FBXO28: variants seen among roughly 807,000 people sequenced by gnomAD.
FBXO28 encodes F-box only protein 28.
FBXO28 carries 8 observed loss-of-function variants against 38.1 expected under a neutral mutation model. The ratio of observed to expected loss-of-function variants is 0.21; its 90% CI spans 0.12 to 0.38. The LOEUF is 0.38. Ranked by LOEUF, FBXO28 falls within the 10% of genes least tolerant of loss-of-function variation. The probability of loss-of-function intolerance (pLI) is 1.00; values close to 1 mark genes in which losing one functional copy is unlikely to be tolerated. For synonymous variants in FBXO28, 168 were observed against 173.8 expected, an observed-to-expected ratio of 0.97 and a Z score of 0.26; for missense variants, 345 against 460.6, an observed-to-expected ratio of 0.75 and a Z score of 2.30.
chr1:224,150,800 C>G (rs1218092547), intron 3 of FBXO28, among the ~76,000 whole-genome samples: 3 of 152,132 alleles, frequency 2.0e-5, no homozygotes, highest in Non-Finnish European at 4.4e-5. Flanking sequence ...CCTGCCTTTC[C>G]TGATAGAAAC....
chr1:224,129,341 A>T (rs7542474), intron 1 of FBXO28, among the ~76,000 whole-genome samples: 1 of 151,756 alleles, frequency 6.6e-6, no homozygotes, highest in African/African-American at 2.4e-5. Flanking sequence ...ACTCCATCTC[A>T]AAAAGATATT....
At chr1:224,153,003 A>T in intron 3 of FBXO28, 139 bp from the exon 4 acceptor site, 1 of 526,142 alleles carries the variant, frequency 1.9e-6, no homozygotes, top group Non-Finnish European at 3.3e-6. Flanking sequence ...AATATTCATC[A>T]GTGGCCAGTA....
intron 4 of FBXO28, among the ~76,000 whole-genome samples, chr1:224,157,113 C>T (rs1030390356): frequency 6.6e-6 from 1 of 152,124 alleles, no homozygotes; most frequent in African/African-American, 2.4e-5. Flanking sequence ...AAATGCCCTT[C>T]TCCGTTTCCT....
chr1:224,151,253 T>C (rs1558196801), intron 3 of FBXO28, among the ~76,000 whole-genome samples: 3 of 152,186 alleles, frequency 2.0e-5, no homozygotes, highest in African/African-American at 4.8e-5. Context: ...ACATGTCCCA[T>C]GTGATTCAAA....
intron 2 of FBXO28, among the ~76,000 whole-genome samples, chr1:224,133,468 A>C (rs912413269): frequency 6.6e-6 from 1 of 152,090 alleles, no homozygotes; most frequent in Non-Finnish European, 1.5e-5. Context: ...TCATTTATCT[A>C]ATTTCTTTGG....
chr1:224,142,708 G>A (rs531369273), intron 3 of FBXO28, among the ~76,000 whole-genome samples: 2 of 152,166 alleles, frequency 1.3e-5, no homozygotes, highest in South Asian at 4.1e-4. Context: ...CTAGCACTTC[G>A]GGAGGCCAAG....
At chr1:224,129,786 G>A (rs188122590) in intron 1 of FBXO28, among the ~76,000 whole-genome samples, 13 of 151,954 alleles carry the variant, frequency 8.6e-5, no homozygotes, top group Admixed American at 6.6e-4. Context: ...TCAGGAGATC[G>A]AGACCATCCT....
chr1:224,153,162 T>C lies in FBXO28; in HGVS notation c.537T>C (p.Arg179=). 5.0e-6 allele frequency: 8 copies of C among 1,601,432 alleles called. No individual in the cohort carries two copies. Among genetic ancestry groups the C allele is most frequent in the Non-Finnish European group, 6.8e-6 (8 of 1,176,852 alleles). ...TTTAGGTGATTGATGAGATTTATCG[T>C]GTGTTGAGATATGTCAATTCTACCA... ...IPGKVIDEIY[R]VLRYVNSTRA... The change falls in exon 4 of 5, where the codon CGT becomes CGC. Residue 179 remains arginine (R), a synonymous_variant. Coordinates refer to ENST00000366862, the MANE Select transcript of FBXO28 (RefSeq NM_015176.4).
Position 224,157,989 on chromosome 1 carries a change from GA to G in FBXO28, c.*244del. 7.9e-7 allele frequency: 1 copy of G among 1,259,886 alleles called. No homozygotes were observed. Among genetic ancestry groups the G allele is most frequent in the Non-Finnish European group, 1.0e-6 (1 of 1,004,058 alleles). 78.0% of individuals were successfully genotyped at this position (1,259,886 alleles called of 1,614,324 possible). On this transcript the variant is annotated 3_prime_UTR_variant, in exon 5 of 5. Transcript: ENST00000366862. ...CAGACCTGTTCTATCATGTTTTGAG[GA>G]GTTAACTTTTTTCTGTGCAGATAAT...
At chr1:224,150,330 T>G (rs971006026) in intron 3 of FBXO28, among the ~76,000 whole-genome samples, 1 of 152,150 alleles carries the variant, frequency 6.6e-6, no homozygotes, top group African/African-American at 2.4e-5. Context: ...GAAAAAATTA[T>G]GGAGTACTGT....
intron 3 of FBXO28, among the ~76,000 whole-genome samples, chr1:224,149,121 A>T (rs1657580624): frequency 6.6e-6 from 1 of 152,178 alleles, no homozygotes. Context: ...TAATATCTAG[A>T]GGTATATTAA....
chr1:224,147,621 A>T (rs1350859014), intron 3 of FBXO28, among the ~76,000 whole-genome samples: 9 of 220 alleles, frequency 0.041, no homozygotes, highest in Non-Finnish European at 0.024. Flanking sequence ...ACACATTTTG[A>T]CAATGTGGTC....
rs527782556 is a variant in FBXO28, at chr1:224,141,077, G to T, written c.516+6865G>T. 2.0e-5 allele frequency among the ~76,000 whole-genome samples: 3 copies of T among 149,980 alleles called. No individual in the cohort carries two copies. The East Asian group carries it at 5.9e-4, about 30-fold the overall frequency. On this transcript the variant is annotated intron_variant, in intron 3 of 4. Coordinates refer to ENST00000366862, the MANE Select transcript of FBXO28 (RefSeq NM_015176.4). Reference sequence around the variant, plus strand: ...AACACCTGTTGTCCCAGCTACTCATGAGGCTGAGATAGGAGAATCGCTTGA... The same window carrying T: ...AACACCTGTTGTCCCAGCTACTCATTAGGCTGAGATAGGAGAATCGCTTGA...
intron 1 of FBXO28, among the ~76,000 whole-genome samples, chr1:224,124,598 G>A (rs1656862038): frequency 1.3e-5 from 2 of 152,176 alleles, no homozygotes; most frequent in South Asian, 2.1e-4. Context: ...GAAAATTTGA[G>A]TTACAAGTTA....
chr1:224,131,276 A>G lies in FBXO28; in HGVS notation c.377+695A>G, dbSNP rs544124714. ...ACTTTTTTTTTTGTAACCCCTGTCA[A>G]AAATTCAGCTGTCTTTTTTTTTTTC... On this transcript the variant is annotated intron_variant, in intron 2 of 4. Transcript: ENST00000366862. Among the ~76,000 whole-genome samples, 4 of 152,232 alleles carry G rather than the reference A, an allele frequency of 2.6e-5. No homozygotes were observed. The South Asian group carries it at 6.2e-4, about 24-fold the overall frequency.
intron 3 of FBXO28, among the ~76,000 whole-genome samples, chr1:224,139,540 G>A (rs889752714): frequency 2.7e-5 from 4 of 149,998 alleles, no homozygotes; most frequent in Non-Finnish European, 4.4e-5. Flanking sequence ...TCGAGAGATC[G>A]AGACCAGCCT....
At chr1:224,133,375 T>TA (rs958885580) in intron 2 of FBXO28, among the ~76,000 whole-genome samples, 2 of 152,214 alleles carry the variant, frequency 1.3e-5, no homozygotes, top group Admixed American at 1.3e-4. Context: ...AGTTATTTCT[T>TA]AAATTGCTAA....
At chr1:224,114,893 G>C (rs1244885905) in intron 1 of FBXO28, among the ~76,000 whole-genome samples, 1 of 152,168 alleles carries the variant, frequency 6.6e-6, no homozygotes, top group Non-Finnish European at 1.5e-5. Flanking sequence ...CGAGAAGATT[G>C]AGTAGACTAA....
At chr1:224,139,764 G>GCATGCATGCATGCATACATACATACATA (rs1386239166) in intron 3 of FBXO28, among the ~76,000 whole-genome samples, 86 of 146,042 alleles carry the variant, frequency 5.9e-4, no homozygotes, top group Admixed American at 3.1e-3. Flanking sequence ...ATGCATGCAT[G>GCATGCATGCATGCATACATACATACATA]CATACATACA....
Sources: allele counts gnomAD v4.1 joint callset (sites outside exome capture counted in the v4.1 genomes callset), GRCh38; gene constraint gnomAD v4.1.1; transcripts MANE v1.5; gene names NCBI Gene and HGNC (gene_info 2026-07-23, HGNC 2026-07-21).